DLG2: variants seen among roughly 807,000 people sequenced by gnomAD.
DLG2 encodes the protein disks large homolog 2.
DLG2 carries 45 observed loss-of-function variants against 132.5 expected under a neutral mutation model. The observed-to-expected ratio is 0.34, with a 90% CI of 0.27 to 0.44. DLG2 has a LOEUF of 0.44. DLG2 is among the 20% of genes least tolerant of loss of function. DLG2 has a pLI of 1.00. For missense variants in DLG2, 1,045 were observed against 1,196.9 expected (o/e 0.87, Z 1.87); for synonymous variants, 424 against 419.6 (o/e 1.01, Z -0.13).
intron 5 of DLG2, among the ~76,000 whole-genome samples, chr11:85,127,046 G>A (rs1011332780): frequency 3.0e-4 from 45 of 152,102 alleles, no homozygotes; most frequent in Admixed American, 8.5e-4. Context: ...CTGGGATTTG[G>A]AACCAGTTTT....
intron 11 of DLG2, among the ~76,000 whole-genome samples, chr11:84,047,012 C>T (rs781413746): frequency 2.2e-4 from 34 of 151,270 alleles, no homozygotes; most frequent in Non-Finnish European, 4.0e-4. Context: ...CCATAGAAGG[C>T]GAAAAATTTA....
intron 3 of DLG2, among the ~76,000 whole-genome samples, chr11:85,356,535 T>G (rs528131694): frequency 6.6e-6 from 1 of 152,274 alleles, no homozygotes; most frequent in South Asian, 2.1e-4. Context: ...TAGTGAGACA[T>G]TCAAAACAAG....
intron 3 of DLG2, among the ~76,000 whole-genome samples, chr11:85,513,747 G>A (rs571542131): frequency 1.3e-5 from 2 of 151,928 alleles, no homozygotes; most frequent in Admixed American, 1.3e-4. Context: ...CATGCCATTA[G>A]AAGTATCTTT....
chr11:84,222,364 G>A (rs973992077), intron 8 of DLG2, among the ~76,000 whole-genome samples: 2 of 152,008 alleles, frequency 1.3e-5, no homozygotes, highest in Admixed American at 1.3e-4. Flanking sequence ...ATTACTTTCT[G>A]ATGACATTTA....
chr11:85,355,370 A>G (rs1407816992), intron 3 of DLG2, among the ~76,000 whole-genome samples: 1 of 152,074 alleles, frequency 6.6e-6, no homozygotes, highest in Non-Finnish European at 1.5e-5. Context: ...TTTTCTTTAT[A>G]TTTTACTTTC....
intron 9 of DLG2, among the ~76,000 whole-genome samples, chr11:84,163,027 T>C (rs1441697792): frequency 2.6e-5 from 4 of 152,122 alleles, no homozygotes; most frequent in Non-Finnish European, 5.9e-5. Context: ...TTTTTTCCTA[T>C]GGGAGTAGTT....
intron 15 of DLG2, among the ~76,000 whole-genome samples, chr11:83,876,737 G>A (rs2064872740): frequency 1.3e-5 from 2 of 152,048 alleles, no homozygotes; most frequent in South Asian, 4.1e-4. Context: ...CACCAAGTGG[G>A]TGTACTTTCC....
intron 3 of DLG2, among the ~76,000 whole-genome samples, chr11:85,581,290 A>C (rs1217046828): frequency 6.6e-6 from 1 of 152,080 alleles, no homozygotes; most frequent in East Asian, 1.9e-4. Flanking sequence ...ATACCTTTGT[A>C]ATAGATCTTT....
At chr11:84,633,975 G>C (rs2099636422) in intron 6 of DLG2, among the ~76,000 whole-genome samples, 2 of 152,142 alleles carry the variant, frequency 1.3e-5, no homozygotes, top group Admixed American at 1.3e-4. Context: ...GGGGAGACCA[G>C]AATTATTGGC....
At chr11:85,594,549 G>C (rs2079594215) in intron 3 of DLG2, among the ~76,000 whole-genome samples, 1 of 152,038 alleles carries the variant, frequency 6.6e-6, no homozygotes, top group African/African-American at 2.4e-5. Flanking sequence ...ATTTTAGAAG[G>C]GGTTGAAATC....
intron 11 of DLG2, 42 bp from the exon 12 acceptor site, chr11:83,980,684 T>C: frequency 6.8e-7 from 1 of 1,460,920 alleles, no homozygotes; most frequent in Non-Finnish European, 9.1e-7. Flanking sequence ...TGTTTTGTTG[T>C]TGTAGTTGTT....
chr11:84,759,968 G>C (rs2067386214), intron 6 of DLG2, among the ~76,000 whole-genome samples: 1 of 152,158 alleles, frequency 6.6e-6, no homozygotes, highest in Non-Finnish European at 1.5e-5. Context: ...CTAGAGTGCA[G>C]TACGTTTATG....
intron 4 of DLG2, among the ~76,000 whole-genome samples, chr11:85,273,067 C>G (rs1420659629): frequency 6.6e-6 from 1 of 152,186 alleles, no homozygotes; most frequent in East Asian, 1.9e-4. Context: ...AAAGCTGAAA[C>G]TGGATCCCTT....
At chr11:84,037,030 T>G (rs1031184663) in intron 11 of DLG2, among the ~76,000 whole-genome samples, 1 of 152,132 alleles carries the variant, frequency 6.6e-6, no homozygotes, top group African/African-American at 2.4e-5. Context: ...TTATTATCAG[T>G]AACAATTTAG....
At chr11:84,796,596 C>T (rs991261996) in intron 6 of DLG2, among the ~76,000 whole-genome samples, 4 of 152,044 alleles carry the variant, frequency 2.6e-5, no homozygotes, top group South Asian at 4.2e-4. Context: ...TTAATGAAAT[C>T]CCTCAGCTTT....
intron 6 of DLG2, among the ~76,000 whole-genome samples, chr11:84,586,898 T>G (rs1307302218): frequency 6.6e-6 from 1 of 152,220 alleles, no homozygotes; most frequent in Non-Finnish European, 1.5e-5. Context: ...TGAAATCTGA[T>G]TACTTCTGTG....
intron 11 of DLG2, among the ~76,000 whole-genome samples, chr11:84,035,688 C>A (rs568680514): frequency 1.8e-4 from 28 of 152,152 alleles, no homozygotes; most frequent in African/African-American, 6.0e-4. Context: ...GTTGATATAC[C>A]CTAATTTATG....
At chr11:84,507,750 T>A (rs1419304657) in intron 7 of DLG2, among the ~76,000 whole-genome samples, 1 of 152,244 alleles carries the variant, frequency 6.6e-6, no homozygotes, top group Non-Finnish European at 1.5e-5. Flanking sequence ...TTGCATTTAA[T>A]TCCGTTTATG....
Position 84,819,866 on chromosome 11 carries a change from C to T in DLG2, c.358-285135G>A, listed in dbSNP as rs77026470. Among the ~76,000 whole-genome samples, 65 of 151,856 alleles carry T rather than the reference C, an allele frequency of 4.3e-4. No homozygotes were observed. In the East Asian group the frequency reaches 0.01, roughly 24 times the overall value. ...ATGAGGAGAAACCTGAACAGAGCTG[C>T]AGCATCATTACTGTAGGAGTGAAAG... is the stretch of plus-strand genomic sequence containing the variant. On this transcript the variant is annotated intron_variant, in intron 6 of 27. Transcript: ENST00000376104.
Sources: gnomAD v4.1 joint callset for allele counts (sites outside exome capture counted in the v4.1 genomes callset) on GRCh38, gnomAD v4.1.1 for gene constraint, MANE v1.5 for transcripts, NCBI Gene and HGNC (gene_info 2026-07-23, HGNC 2026-07-21) for gene names.